The following KIAA1549L variants were observed in gnomAD, a reference collection of about 807,000 sequenced individuals.
KIAA1549L encodes UPF0606 protein KIAA1549L.
A neutral mutation model predicts 160.7 loss-of-function variants in KIAA1549L; 88 were observed. The ratio of observed to expected loss-of-function variants is 0.55; its 90% CI spans 0.46 to 0.65. The LOEUF (loss-of-function observed/expected upper bound fraction) is 0.65, where lower values mean the gene tolerates loss of function less well. Ranked by LOEUF, KIAA1549L falls within the 30% of genes least tolerant of loss-of-function variation. The pLI is 0.00. For synonymous variants in KIAA1549L, 950 were observed against 976.7 expected, an observed-to-expected ratio of 0.97 and a Z score of 0.51; for missense variants, 2,258 against 2,437.5, an observed-to-expected ratio of 0.93 and a Z score of 1.55.
chr11:33,630,513 G>A lies in KIAA1549L; in HGVS notation c.5409+11851G>A, dbSNP rs1055490063. Among the ~76,000 whole-genome samples, 15 of 152,334 alleles carry A rather than the reference G, an allele frequency of 9.8e-5. 1 individual carries two copies. The highest frequency in any genetic ancestry group is 1.4e-4 in the African/African-American group (6 of 41,586). On this transcript the variant is annotated intron_variant, in intron 16 of 20. Coordinates refer to ENST00000658780, the MANE Select transcript of KIAA1549L (RefSeq NM_012194.3). ...CATTTTTTAAGCCTGTCGGAAAAGC[G>A]CAGTATTCGGGTGGGAGTGACCCGA...
intron 1 of KIAA1549L, among the ~76,000 whole-genome samples, chr11:33,435,804 A>ATATGTG (rs1554976801): frequency 5.8e-5 from 1 of 17,136 alleles, no homozygotes; most frequent in Non-Finnish European, 9.8e-5. Flanking sequence ...ATATATATAT[A>ATATGTG]TATATATGTG....
intron 16 of KIAA1549L, among the ~76,000 whole-genome samples, chr11:33,643,752 G>A (rs908212805): frequency 3.9e-5 from 6 of 152,280 alleles, no homozygotes; most frequent in Middle Eastern, 3.4e-3. Flanking sequence ...ATGTAAAATG[G>A]GGCTTGAGTT....
intron 1 of KIAA1549L, among the ~76,000 whole-genome samples, chr11:33,401,838 C>T (rs2134066367): frequency 6.6e-6 from 1 of 152,224 alleles, no homozygotes; most frequent in Non-Finnish European, 1.5e-5. Context: ...AGAGCAGGGC[C>T]CTAGCAGCAA....
At chr11:33,422,166 G>A (rs1851025983) in intron 1 of KIAA1549L, among the ~76,000 whole-genome samples, 1 of 151,736 alleles carries the variant, frequency 6.6e-6, no homozygotes, top group Admixed American at 6.6e-5. Flanking sequence ...CCAAGATCCG[G>A]GTATACCTGT....
chr11:33,652,902 T>A (rs1351506310), intron 17 of KIAA1549L, among the ~76,000 whole-genome samples: 1 of 152,198 alleles, frequency 6.6e-6, no homozygotes, highest in Non-Finnish European at 1.5e-5. Context: ...CCTGCTTTCG[T>A]CTGTCTATGT....
chr11:33,402,550 G>A (rs1293419586), intron 1 of KIAA1549L, among the ~76,000 whole-genome samples: 2 of 152,196 alleles, frequency 1.3e-5, no homozygotes, highest in East Asian at 1.9e-4. Context: ...CTTGAAATCT[G>A]TGTCCATCTC....
chr11:33,447,928 CAG>C (rs1241125964), intron 1 of KIAA1549L, among the ~76,000 whole-genome samples: 1 of 152,080 alleles, frequency 6.6e-6, no homozygotes, highest in Non-Finnish European at 1.5e-5. Flanking sequence ...GCATTCCAGA[CAG>C]AGGAGTTCTC....
At chr11:33,398,582 G>C (rs1481557611) in intron 1 of KIAA1549L, among the ~76,000 whole-genome samples, 1 of 152,154 alleles carries the variant, frequency 6.6e-6, no homozygotes, top group African/African-American at 2.4e-5. Context: ...GAGAAACAAA[G>C]CACCAGTCCT....
chr11:33,536,807 C>T (rs1853904194), intron 1 of KIAA1549L, among the ~76,000 whole-genome samples: 1 of 152,222 alleles, frequency 6.6e-6, no homozygotes, highest in African/African-American at 2.4e-5. Context: ...GGGCTCAACT[C>T]CTCTTTACAA....
chr11:33,394,792 C>T (rs1372572477), intron 1 of KIAA1549L, among the ~76,000 whole-genome samples: 2 of 152,248 alleles, frequency 1.3e-5, no homozygotes, highest in East Asian at 1.9e-4. Flanking sequence ...AGCAGTGATT[C>T]GGGGACCCAG....
At chr11:33,445,843 C>T (rs758590107) in intron 1 of KIAA1549L, among the ~76,000 whole-genome samples, 2 of 152,182 alleles carry the variant, frequency 1.3e-5, no homozygotes, top group African/African-American at 2.4e-5. Flanking sequence ...ACATTCAGCC[C>T]TTCTGCCATG....
chr11:33,441,159 G>A (rs1186076188), intron 1 of KIAA1549L, among the ~76,000 whole-genome samples: 4 of 150,440 alleles, frequency 2.7e-5, no homozygotes, highest in Non-Finnish European at 5.9e-5. Flanking sequence ...CTATGAGTGA[G>A]AACATGCGGT....
chr11:33,645,557 G>A (rs1564938700), intron 16 of KIAA1549L, 129 bp from the exon 17 acceptor site: 17 of 700,352 alleles, frequency 2.4e-5, no homozygotes, highest in East Asian at 5.3e-5. Flanking sequence ...GATAGGGCAC[G>A]TAGGATATAA....
Position 33,408,510 on chromosome 11 carries a change from T to TATATAC in KIAA1549L, c.238+31622_238+31623insTATACA, listed in dbSNP as rs58439063. 7.5e-4 allele frequency among the ~76,000 whole-genome samples: 110 copies of TATATAC among 146,100 alleles called. 1 individual carries two copies. The highest frequency in any genetic ancestry group is 9.0e-4 in the Non-Finnish European group (60 of 66,824). On this transcript the variant is annotated intron_variant, in intron 1 of 20. Coordinates refer to ENST00000658780, the MANE Select transcript of KIAA1549L (RefSeq NM_012194.3). ...ATGTGTATATATATATATATATATATACACATGTATATATGTATACAGAAA... is the reference window on the plus strand; with the variant it reads ...ATGTGTATATATATATATATATATATATATACACACATGTATATATGTATACAGAAA...
intron 1 of KIAA1549L, among the ~76,000 whole-genome samples, chr11:33,407,080 C>CTTTTTTTTT (rs1491483483): frequency 1.3e-5 from 1 of 79,582 alleles, no homozygotes. Flanking sequence ...TTTCTTTTTT[C>CTTTTTTTTT]ATTTTTTTTT....
chr11:33,665,220 G>A (rs1852402652), intron 20 of KIAA1549L: 1 of 152,304 alleles, frequency 6.6e-6, no homozygotes, highest in South Asian at 2.1e-4. Flanking sequence ...GAAAGGTGAA[G>A]AAGGTGAAAA....
intron 11 of KIAA1549L, among the ~76,000 whole-genome samples, chr11:33,587,208 G>T (rs1360153788): frequency 6.6e-6 from 1 of 152,092 alleles, no homozygotes; most frequent in Non-Finnish European, 1.5e-5. Flanking sequence ...AAAGGTCTTG[G>T]CAGTGTATCC....
intron 20 of KIAA1549L, among the ~76,000 whole-genome samples, chr11:33,662,312 C>G (rs1852293559): frequency 6.6e-6 from 1 of 152,142 alleles, no homozygotes; most frequent in African/African-American, 2.4e-5. Flanking sequence ...CTTAAGTGTG[C>G]TTTGCATCAT....
In KIAA1549L at chr11:33,377,263, C is replaced by A. The variant is rs186329146; in HGVS notation, c.238+374C>A. Among the ~76,000 whole-genome samples the A allele has an allele frequency of 2.8e-4, 42 of 152,278 alleles. 1 individual carries two copies. In the East Asian group the frequency reaches 8.1e-3, roughly 29 times the overall value. On this transcript the variant is annotated intron_variant, in intron 1 of 20. Transcript: ENST00000658780. The stretch of plus-strand genomic sequence containing the variant: ...CTGTTGAGTGTCCACTTTGTCTTAA[C>A]TGCATGAAATGGCTAGAGAGTTTTA...
Sources: gnomAD v4.1 joint callset for allele counts (sites outside exome capture counted in the v4.1 genomes callset) on GRCh38, gnomAD v4.1.1 for gene constraint, MANE v1.5 for transcripts, NCBI Gene and HGNC (gene_info 2026-07-23, HGNC 2026-07-21) for gene names.